QKI: variants seen among roughly 807,000 people sequenced by gnomAD.
The protein encoded by QKI is QKI, KH domain containing RNA binding.
In QKI, 10 loss-of-function variants were observed where a neutral mutation model predicts 39.0. The observed-to-expected ratio is 0.26, with a 90% CI of 0.16 to 0.43. The LOEUF (loss-of-function observed/expected upper bound fraction) is 0.43. Among genes scored for constraint, QKI ranks in the 20% least tolerant of loss-of-function variants. The probability of loss-of-function intolerance (pLI) is 1.00; values close to 1 mark genes in which losing one functional copy is unlikely to be tolerated. For missense variants in QKI, 218 were observed against 428.0 expected, an observed-to-expected ratio of 0.51 and a Z score of 4.33; for synonymous variants, 204 against 155.4, an observed-to-expected ratio of 1.31 and a Z score of -2.33.
intron 3 of QKI, among the ~76,000 whole-genome samples, chr6:163,515,325 GT>G (rs1388983947): frequency 1.3e-5 from 2 of 149,790 alleles, no homozygotes; most frequent in Non-Finnish European, 1.5e-5. Context: ...AATAGTGTGT[GT>G]TTTTTTTTAA....
At chr6:163,427,663 GTGTGTGTGCCTGCA>G (rs1396172027) in intron 1 of QKI, among the ~76,000 whole-genome samples, 1 of 151,906 alleles carries the variant, frequency 6.6e-6, no homozygotes, top group Non-Finnish European at 1.5e-5. Context: ...AGGTGCGTGC[GTGTGTGTGCCTGCA>G]TGTGTGTGCG....
intron 1 of QKI, among the ~76,000 whole-genome samples, chr6:163,447,613 T>G (rs537903925): frequency 6.6e-6 from 1 of 152,326 alleles, no homozygotes; most frequent in South Asian, 2.1e-4. Flanking sequence ...ACGATATTTG[T>G]TAATTCTTTA....
chr6:163,462,031 T>G lies in QKI; in HGVS notation c.285+6610T>G, dbSNP rs575027235. Among the ~76,000 whole-genome samples the G allele has an allele frequency of 3.3e-5, 5 of 152,306 alleles. No individual in the cohort carries two copies. In the South Asian group the frequency reaches 8.3e-4, roughly 25 times the overall value. Reference sequence around the variant, plus strand: ...AGATCACGTGCCTTTACTTTAGGGATGTTGAGGTTGAGTTTTTCAGCTACT... The same window carrying G: ...AGATCACGTGCCTTTACTTTAGGGAGGTTGAGGTTGAGTTTTTCAGCTACT... On this transcript the variant is annotated intron_variant, in intron 2 of 7. Coordinates refer to ENST00000361752, the MANE Select transcript of QKI (RefSeq NM_006775.3).
intron 4 of QKI, among the ~76,000 whole-genome samples, chr6:163,559,747 A>G (rs1446407542): frequency 6.6e-6 from 1 of 152,196 alleles, no homozygotes; most frequent in Non-Finnish European, 1.5e-5. Context: ...TATATATTAT[A>G]GTATACCATT....
At chr6:163,540,152 A>G (rs1010381119) in intron 4 of QKI, among the ~76,000 whole-genome samples, 1 of 152,012 alleles carries the variant, frequency 6.6e-6, no homozygotes, top group African/African-American at 2.4e-5. Context: ...TAGAAAGACA[A>G]AGAGTTTTGT....
intron 1 of QKI, among the ~76,000 whole-genome samples, chr6:163,428,545 G>GAT (rs1300116512): frequency 1.3e-5 from 2 of 151,046 alleles, no homozygotes; most frequent in East Asian, 1.9e-4. Context: ...CAGTAAAAAA[G>GAT]ATAGTCTTAT....
chr6:163,445,381 T>TTTCCTACTCTGTTGGTTTTTCTTG (rs1214961449), intron 1 of QKI, among the ~76,000 whole-genome samples: 2 of 152,176 alleles, frequency 1.3e-5, no homozygotes, highest in Admixed American at 6.5e-5. Context: ...TGGTCCAGGA[T>TTTCCTACTCTGTTGGTTTTTCTTG]TCCACATTGT....
At chr6:163,431,667 T>C (rs1301812247) in intron 1 of QKI, among the ~76,000 whole-genome samples, 1 of 152,128 alleles carries the variant, frequency 6.6e-6, no homozygotes, top group East Asian at 1.9e-4. Flanking sequence ...TTTTAATCTA[T>C]TAATAGAATA....
chr6:163,423,696 C>T (rs534139256), intron 1 of QKI: 11 of 152,208 alleles, frequency 7.2e-5, no homozygotes, highest in Non-Finnish European at 1.6e-4. Flanking sequence ...TTAACGATAA[C>T]TTTCTAATTA....
In QKI at chr6:163,556,517, A is replaced by C. The variant is rs888223396; in HGVS notation, c.547-5465A>C. Reference sequence around the variant, plus strand: ...AAATTCCACCTCAAAAAAAAAAAAAAAAAAAAACAACAAACAACAGAAAAG... The same window carrying C: ...AAATTCCACCTCAAAAAAAAAAAAACAAAAAAACAACAAACAACAGAAAAG... On this transcript the variant is annotated intron_variant, in intron 4 of 7. Transcript: ENST00000361752. Among the ~76,000 whole-genome samples, 4 of 151,350 alleles carry C rather than the reference A, an allele frequency of 2.6e-5. No homozygotes were observed. The South Asian group carries it at 6.2e-4, about 24-fold the overall frequency.
chr6:163,517,900 T>C (rs1322781915), intron 3 of QKI, among the ~76,000 whole-genome samples: 1 of 152,220 alleles, frequency 6.6e-6, no homozygotes, highest in Non-Finnish European at 1.5e-5. Context: ...CAGCTATTTC[T>C]AGAAGGTTAA....
intron 4 of QKI, among the ~76,000 whole-genome samples, chr6:163,546,110 G>A (rs1668768369): frequency 6.7e-6 from 1 of 149,154 alleles, no homozygotes; most frequent in African/African-American, 2.5e-5. Flanking sequence ...TAGTGTTTGG[G>A]GTTTTTTAAA....
At chr6:163,439,115 G>A (rs573156716) in intron 1 of QKI, among the ~76,000 whole-genome samples, 1 of 152,146 alleles carries the variant, frequency 6.6e-6, no homozygotes, top group Admixed American at 6.5e-5. Flanking sequence ...CCACAGCTTG[G>A]CCCACTGCCA....
chr6:163,467,217 G>A (rs533551341), intron 2 of QKI, among the ~76,000 whole-genome samples: 1 of 152,346 alleles, frequency 6.6e-6, no homozygotes, highest in East Asian at 1.9e-4. Context: ...GGTGATGGAT[G>A]TGTTAATTAG....
intron 1 of QKI, among the ~76,000 whole-genome samples, chr6:163,452,859 C>G (rs2128218645): frequency 6.6e-6 from 1 of 152,246 alleles, no homozygotes; most frequent in African/African-American, 2.4e-5. Flanking sequence ...TCCTGAGTAG[C>G]TGGGATTACA....
chr6:163,566,656 G>A (rs1388506641), intron 6 of QKI, 65 bp from the exon 7 acceptor site: 8 of 1,588,052 alleles, frequency 5.0e-6, no homozygotes, highest in Non-Finnish European at 6.9e-6. Flanking sequence ...TAAACCTGCT[G>A]TTAATGTTTT....
chr6:163,509,314 A>T (rs1006844123), intron 3 of QKI, among the ~76,000 whole-genome samples: 1 of 152,214 alleles, frequency 6.6e-6, no homozygotes, highest in Non-Finnish European at 1.5e-5. Context: ...GTAATGCTAA[A>T]GGGAATTTTA....
chr6:163,448,662 A>C (rs1583007229), intron 1 of QKI, among the ~76,000 whole-genome samples: 1 of 152,128 alleles, frequency 6.6e-6, no homozygotes, highest in African/African-American at 2.4e-5. Context: ...GCTTGAACCC[A>C]GGAGGCGGAG....
In QKI at chr6:163,571,731, AAAAG is replaced by A. The variant is rs764816810; in HGVS notation, c.*1024_*1027del. The A allele has an allele frequency of 6.5e-4, 99 of 151,904 alleles. No homozygotes were observed. The highest frequency in any genetic ancestry group is 1.2e-3 in the Non-Finnish European group (79 of 67,980). 9.4% of individuals were successfully genotyped at this position (151,904 alleles called of 1,614,324 possible). A position where few individuals can be genotyped will look rare whatever the true frequency, so the allele number is the denominator to read the frequency against. On this transcript the variant is annotated 3_prime_UTR_variant, in exon 8 of 8. Transcript: ENST00000361752. ...CTTTCAAGTGTTATAAAAAAAAAGA[AAAAG>A]AACAAAGAAACCCTTTATTTCATTA...
Sources: allele counts gnomAD v4.1 joint callset (sites outside exome capture counted in the v4.1 genomes callset), GRCh38; gene constraint gnomAD v4.1.1; transcripts MANE v1.5; gene names NCBI Gene and HGNC (gene_info 2026-07-23, HGNC 2026-07-21).